Variants in SLC26A7 observed in about 807,000 individuals in gnomAD.
The protein encoded by SLC26A7 is anion exchange transporter.
In SLC26A7, 59 loss-of-function variants were observed where a neutral mutation model predicts 82.5. The ratio of observed to expected loss-of-function variants is 0.72; its 90% CI spans 0.58 to 0.89. The LOEUF (loss-of-function observed/expected upper bound fraction) is 0.89. SLC26A7 is among the 40% of genes least tolerant of loss of function. SLC26A7 has a pLI of 0.00. For synonymous variants in SLC26A7, 271 were observed against 274.3 expected, an observed-to-expected ratio of 0.99 and a Z score of 0.12; for missense variants, 820 against 793.0, an observed-to-expected ratio of 1.03 and a Z score of -0.41.
intron 4 of SLC26A7, among the ~76,000 whole-genome samples, chr8:91,305,843 A>G (rs1056741936): frequency 1.3e-5 from 2 of 152,074 alleles, no homozygotes; most frequent in Non-Finnish European, 2.9e-5. Flanking sequence ...AGTTTAGGTG[A>G]CTTTTTCCTT....
At chr8:91,346,178 G>T (rs1160693318) in intron 9 of SLC26A7, among the ~76,000 whole-genome samples, 1 of 152,094 alleles carries the variant, frequency 6.6e-6, no homozygotes, top group East Asian at 1.9e-4. Context: ...ATGCTCCTCT[G>T]CTTGTTGAGA....
intron 3 of SLC26A7, among the ~76,000 whole-genome samples, chr8:91,294,204 G>A (rs1811952874): frequency 6.6e-6 from 1 of 152,126 alleles, no homozygotes; most frequent in South Asian, 2.1e-4. Context: ...AAAATTATAT[G>A]AATAGCTACC....
intron 9 of SLC26A7, among the ~76,000 whole-genome samples, chr8:91,344,708 A>G (rs142030055): frequency 2.0e-3 from 297 of 152,306 alleles, no homozygotes; most frequent in African/African-American, 6.6e-3. Context: ...AAGAAGTAAA[A>G]TCCTCCTCCG....
At chr8:91,300,773 C>T (rs960530370) in intron 4 of SLC26A7, among the ~76,000 whole-genome samples, 1 of 152,172 alleles carries the variant, frequency 6.6e-6, no homozygotes, top group Non-Finnish European at 1.5e-5. Flanking sequence ...TTTGCAACCT[C>T]TATTATAACA....
intron 2 of SLC26A7, among the ~76,000 whole-genome samples, chr8:91,256,999 C>G (rs946044567): frequency 2.6e-5 from 4 of 151,996 alleles, no homozygotes; most frequent in African/African-American, 9.7e-5. Flanking sequence ...TGGGTGGGAC[C>G]GGGGCTGACT....
chr8:91,364,128 T>C (rs1357740448), intron 13 of SLC26A7, among the ~76,000 whole-genome samples: 3 of 152,168 alleles, frequency 2.0e-5, no homozygotes, highest in East Asian at 1.9e-4. Flanking sequence ...TATGTCTTAA[T>C]TGTAGTTTGT....
chr8:91,284,271 G>A (rs564162279), intron 2 of SLC26A7, among the ~76,000 whole-genome samples: 2 of 152,182 alleles, frequency 1.3e-5, no homozygotes, highest in Admixed American at 1.3e-4. Context: ...CCCCAAAAAT[G>A]TGGTGAATAC....
At chr8:91,244,015 A>G (rs936865920) in intron 2 of SLC26A7, among the ~76,000 whole-genome samples, 2 of 152,258 alleles carry the variant, frequency 1.3e-5, no homozygotes, top group Non-Finnish European at 2.9e-5. Context: ...AGACAGAATC[A>G]TAATCTTCCA....
chr8:91,305,345 C>T (rs577665497), intron 4 of SLC26A7, among the ~76,000 whole-genome samples: 12 of 152,032 alleles, frequency 7.9e-5, no homozygotes, highest in Non-Finnish European at 1.5e-4. Context: ...CTAATTTGCT[C>T]ATGGTTATTT....
At chr8:91,338,045 T>C in intron 6 of SLC26A7, 105 bp from the exon 7 acceptor site, 3 of 590,046 alleles carry the variant, frequency 5.1e-6, no homozygotes, top group Non-Finnish European at 8.1e-6. Flanking sequence ...TTATTCTTGA[T>C]GTTTATGGGA....
intron 4 of SLC26A7, among the ~76,000 whole-genome samples, chr8:91,312,101 A>AT (rs1235244510): frequency 8.5e-5 from 13 of 152,270 alleles, no homozygotes; most frequent in African/African-American, 2.9e-4. Context: ...TACTCATTAG[A>AT]TAATAACTGC....
chr8:91,343,447 G>C lies in SLC26A7; in HGVS notation c.1121G>C (p.Ser374Thr). The change falls in exon 9 of 19, where the codon AGC becomes ACC. Residue 374 changes from serine (S) to threonine (T), a missense_variant. By Grantham distance (58) the Ser-to-Thr change is moderately conservative. Transcript: ENST00000276609. ...ATGGGAAGGACGGCTGGCCTGTACA[G>C]CACAGGAGCGAAGACACAGGTAACT... ...AAMGRTAGLY[S>T]TGAKTQVACL... 1.2e-6 allele frequency: 2 copies of C among 1,611,732 alleles called. No homozygotes were observed. The highest frequency in any genetic ancestry group is 1.3e-5 in the African/African-American group (1 of 75,040).
At chr8:91,292,627 T>A (rs1811903747) in intron 3 of SLC26A7, among the ~76,000 whole-genome samples, 1 of 152,186 alleles carries the variant, frequency 6.6e-6, no homozygotes, top group Non-Finnish European at 1.5e-5. Flanking sequence ...TAAATTATGT[T>A]AGAGGCATCT....
At chr8:91,362,821 A>C (rs1814087179) in intron 12 of SLC26A7, among the ~76,000 whole-genome samples, 1 of 152,140 alleles carries the variant, frequency 6.6e-6, no homozygotes, top group Non-Finnish European at 1.5e-5. Context: ...ATATATTTAG[A>C]AAATTAAATA....
intron 2 of SLC26A7, among the ~76,000 whole-genome samples, chr8:91,256,001 C>T (rs907972878): frequency 2.0e-5 from 3 of 152,042 alleles, no homozygotes; most frequent in Non-Finnish European, 4.4e-5. Flanking sequence ...GTGAATAACC[C>T]CTGTTCCATA....
chr8:91,269,907 T>C (rs890570907), intron 2 of SLC26A7, among the ~76,000 whole-genome samples: 3 of 127,342 alleles, frequency 2.4e-5, no homozygotes, highest in African/African-American at 1.1e-4. Flanking sequence ...AGTTATTGTA[T>C]TTTTATTTCA....
chr8:91,246,390 A>G (rs1471757187), upstream of SLC26A7, among the ~76,000 whole-genome samples: 1 of 152,252 alleles, frequency 6.6e-6, no homozygotes, highest in East Asian at 1.9e-4. Context: ...ATAAACAGTG[A>G]AAATGACTAC....
intron 15 of SLC26A7, among the ~76,000 whole-genome samples, chr8:91,371,807 C>T (rs537102016): frequency 2.0e-5 from 3 of 151,700 alleles, no homozygotes; most frequent in Admixed American, 6.6e-5. Flanking sequence ...ATCTCCATAC[C>T]GTTTTCCATG....
At chr8:91,236,699 A>C (rs987909482) in intron 2 of SLC26A7, among the ~76,000 whole-genome samples, 1 of 152,204 alleles carries the variant, frequency 6.6e-6, no homozygotes, top group Admixed American at 6.5e-5. Flanking sequence ...TTATACAGGA[A>C]GCACTATTGT....
Sources: gnomAD v4.1 joint callset for allele counts (sites outside exome capture counted in the v4.1 genomes callset) on GRCh38, gnomAD v4.1.1 for gene constraint, MANE v1.5 for transcripts, NCBI Gene and HGNC (gene_info 2026-07-23, HGNC 2026-07-21) for gene names.